The following TERF1 variants were observed in gnomAD, a reference collection of about 807,000 sequenced individuals.
TERF1 encodes the protein telomeric repeat-binding factor 1.
Under a neutral mutation model 55.1 loss-of-function variants are expected in TERF1, and 20 were observed. That is an observed-to-expected ratio of 0.36 (90% CI 0.26 to 0.53). TERF1 has a LOEUF of 0.53. TERF1 is among the 20% of genes least tolerant of loss of function. TERF1 has a pLI of 0.91. For synonymous variants in TERF1, 168 were observed against 181.2 expected (o/e 0.93, Z 0.59); for missense variants, 439 against 535.7 (o/e 0.82, Z 1.78).
chr8:73,022,340 G>C, intron 4 of TERF1, 38 bp downstream of exon 4: 1 of 1,333,610 alleles, frequency 7.5e-7, no homozygotes, highest in Non-Finnish European at 1.0e-6. Context: ...TTTTAGAAGT[G>C]TTTATGTAGA....
chr8:73,016,300 A>G (rs569106873), intron 2 of TERF1, among the ~76,000 whole-genome samples: 34 of 125,854 alleles, frequency 2.7e-4, no homozygotes, highest in African/African-American at 8.2e-4. Flanking sequence ...TATTGGGTTT[A>G]GTCTCCTACC....
chr8:73,047,458 TATGATAGATA>T lies in TERF1; in HGVS notation c.*1324_*1333del, dbSNP rs1356481086. 1.3e-5 allele frequency: 2 copies of T among 152,194 alleles called. No homozygotes were observed. Among genetic ancestry groups the T allele is most frequent in the Non-Finnish European group, 2.9e-5 (2 of 68,034 alleles). 9.4% of individuals were successfully genotyped at this position (152,194 alleles called of 1,614,324 possible). A position where few individuals can be genotyped will look rare whatever the true frequency, so the allele number is the denominator to read the frequency against. ...TATTAACTATGATCATCTTGATGTCTATGATAGATAATAAACAAGGTCATACATACCTTAC... is the reference window on the plus strand; with the variant it reads ...TATTAACTATGATCATCTTGATGTCTATAAACAAGGTCATACATACCTTAC... On this transcript the variant is annotated 3_prime_UTR_variant, in exon 10 of 10. Transcript: ENST00000276603.
intron 3 of TERF1, among the ~76,000 whole-genome samples, 160 bp from the exon 4 acceptor site, chr8:73,022,045 CTTATTTTGTCT>C (rs1347854237): frequency 6.6e-6 from 1 of 152,118 alleles, no homozygotes; most frequent in Non-Finnish European, 1.5e-5. Flanking sequence ...TCAAGCGACA[CTTATTTTGTCT>C]TTGAAAAATA....
intron 8 of TERF1, among the ~76,000 whole-genome samples, chr8:73,037,895 T>A (rs926364043): frequency 8.1e-6 from 1 of 122,862 alleles, no homozygotes; most frequent in South Asian, 2.2e-4. Context: ...TGATATATAA[T>A]ATATATAAAT....
intron 2 of TERF1, 72 bp downstream of exon 2, chr8:73,014,062 A>C: frequency 7.5e-7 from 1 of 1,337,474 alleles, no homozygotes; most frequent in South Asian, 1.2e-5. Flanking sequence ...GGGAAGAAAC[A>C]GACGTTTTTG....
intron 9 of TERF1, among the ~76,000 whole-genome samples, chr8:73,043,523 A>G (rs1285299183): frequency 6.6e-6 from 1 of 152,124 alleles, no homozygotes; most frequent in Non-Finnish European, 1.5e-5. Flanking sequence ...TTTCACATAC[A>G]TAGTTTCTGT....
intron 6 of TERF1, 44 bp downstream of exon 6, chr8:73,027,096 T>C (rs943316278): frequency 1.4e-6 from 2 of 1,391,244 alleles, no homozygotes; most frequent in African/African-American, 1.5e-5. Flanking sequence ...TTTATGAATG[T>C]TCTGTCTTTA....
chr8:73,043,692 A>G lies in TERF1; in HGVS notation c.1144-2269A>G, dbSNP rs552727089. ...AATACTGCTTAAACATACTGCACCC[A>G]GGACCCCAAATAGGATTCAGAAAAC... On this transcript the variant is annotated intron_variant, in intron 9 of 9. Coordinates refer to ENST00000276603, the MANE Select transcript of TERF1 (RefSeq NM_017489.3). Among the ~76,000 whole-genome samples the G allele has an allele frequency of 5.1e-4, 77 of 152,004 alleles. No individual in the cohort carries two copies. The South Asian group carries it at 0.015, about 30-fold the overall frequency.
At chr8:73,011,787 G>C (rs888071118) in intron 1 of TERF1, 1 of 150,098 alleles carries the variant, frequency 6.7e-6, no homozygotes, top group Admixed American at 6.7e-5. Flanking sequence ...CTCTGGATTA[G>C]GCTGTGGCTT....
chr8:73,028,571 A>AATTTTTTT (rs1554555223), intron 6 of TERF1, among the ~76,000 whole-genome samples: 44 of 104,414 alleles, frequency 4.2e-4, no homozygotes, highest in African/African-American at 1.6e-3. Context: ...ACGTAGACCC[A>AATTTTTTT]TTTTTTTTTT....
chr8:73,012,994 TAA>T (rs1436897763), intron 1 of TERF1: 9 of 454,300 alleles, frequency 2.0e-5, no homozygotes, highest in African/African-American at 1.8e-4. Context: ...AAAATCCTGT[TAA>T]ATTCTATTAT....
chr8:73,044,827 CAAG>C (rs1363310729), intron 9 of TERF1, among the ~76,000 whole-genome samples: 2 of 152,098 alleles, frequency 1.3e-5, no homozygotes, highest in African/African-American at 4.8e-5. Context: ...CTAATGTCCT[CAAG>C]GTTTATCCAT....
intron 5 of TERF1, among the ~76,000 whole-genome samples, chr8:73,025,404 G>A (rs1016539130): frequency 7.3e-5 from 11 of 150,808 alleles, no homozygotes; most frequent in Non-Finnish European, 8.9e-5. Flanking sequence ...AGTTTCAGGA[G>A]TTCGAGACTA....
Position 73,013,924 on chromosome 8 carries a change from G to C in TERF1, c.349G>C (p.Ala117Pro). Residue 117 changes from alanine (A) to proline (P), a missense_variant, in exon 2 of 10, where the codon GCT becomes CCT. Around this residue, in one of 4 missense-constraint regions of TERF1, gnomAD observed 95 missense variants for 167.2 expected, o/e 0.57. Transcript: ENST00000276603. ...AIIHGLSSLT[A>P]CQLRTIYICQ... ...TATTCATGGACTATCCAGTCTAACA[G>C]CTTGCCAGTTGAGAACGATATACAT... 1 of 1,611,010 alleles carries C rather than the reference G, an allele frequency of 6.2e-7. No homozygotes were observed. The highest frequency in any genetic ancestry group is 1.1e-5 in the South Asian group (1 of 90,694).
chr8:73,030,357 G>T lies in TERF1; in HGVS notation c.909G>T (p.Ala303=). ...AAAGTGTTAGTGACAAACAGTCTGC[G>T]GTAACTGAATCCTCAGAGGGTACAG... is the stretch of plus-strand genomic sequence containing the variant. ...TRKSVSDKQS[A]VTESSEGTVS... The change falls in exon 7 of 10, where the codon GCG becomes GCT. Residue 303 remains alanine, a synonymous_variant. Transcript: ENST00000276603. 1 of 1,522,792 alleles carries T rather than the reference G, an allele frequency of 6.6e-7. No homozygotes were observed. The highest frequency in any genetic ancestry group is 8.7e-7 in the Non-Finnish European group (1 of 1,146,230). 94.3% of individuals were successfully genotyped at this position (1,522,792 alleles called of 1,614,324 possible). A position where few individuals can be genotyped will look rare whatever the true frequency, so the allele number is the denominator to read the frequency against.
chr8:73,031,188 A>G (rs903625300), intron 7 of TERF1: 1 of 152,228 alleles, frequency 6.6e-6, no homozygotes, highest in Non-Finnish European at 1.5e-5. Context: ...CTGGAGTCCT[A>G]TAGTTTATGG....
intron 1 of TERF1, chr8:73,012,992 G>A: frequency 2.2e-6 from 1 of 454,248 alleles, no homozygotes; most frequent in South Asian, 1.6e-5. Flanking sequence ...TTAAAATCCT[G>A]TTAAATTCTA....
chr8:73,020,870 G>T, intron 3 of TERF1, 65 bp downstream of exon 3: 1 of 1,015,842 alleles, frequency 9.8e-7, no homozygotes, highest in Non-Finnish European at 1.4e-6. Flanking sequence ...GAAATTAAGA[G>T]GAACCTAGTA....
In TERF1 at chr8:73,027,129, A is replaced by AT. The variant is rs1809044242; in HGVS notation, c.887+79dup. 77 of 976,242 alleles carry AT rather than the reference A, an allele frequency of 7.9e-5. 2 individuals carry two copies. The South Asian group carries it at 1.2e-3, about 15-fold the overall frequency. 60.5% of individuals were successfully genotyped at this position (976,242 alleles called of 1,614,324 possible). ...TTATGTAAAATTGATATGTCTTTTT[A>AT]TTAAAAATAATTATTGAGTAGCATG... On this transcript the variant is annotated intron_variant, in intron 6 of 9. Transcript: ENST00000276603.
Sources: allele counts gnomAD v4.1 joint callset (sites outside exome capture counted in the v4.1 genomes callset), GRCh38; gene constraint gnomAD v4.1.1; regional missense constraint gnomAD v4.1.1; transcripts MANE v1.5; gene names NCBI Gene and HGNC (gene_info 2026-07-23, HGNC 2026-07-21).